Variants in USP32 observed in about 807,000 individuals in gnomAD.
USP32 encodes the protein ubiquitin carboxyl-terminal hydrolase 32.
Under a neutral mutation model 204.8 loss-of-function variants are expected in USP32, and 59 were observed. That is an observed-to-expected ratio of 0.29 (90% CI 0.23 to 0.36). USP32 has a LOEUF of 0.36. Ranked by LOEUF, USP32 falls within the 10% of genes least tolerant of loss-of-function variation. The pLI is 1.00. For missense variants in USP32, 1,160 were observed against 1,946.4 expected, an observed-to-expected ratio of 0.60 and a Z score of 7.60; for synonymous variants, 517 against 678.4, an observed-to-expected ratio of 0.76 and a Z score of 3.70.
intron 26 of USP32, among the ~76,000 whole-genome samples, chr17:60,202,582 G>A (rs2084706799): frequency 6.6e-6 from 1 of 151,844 alleles, no homozygotes; most frequent in Non-Finnish European, 1.5e-5. Flanking sequence ...CATGAACATG[G>A]TTTACTCCTT....
chr17:60,409,695 T>G (rs1406139646), intron 1 of USP32, among the ~76,000 whole-genome samples: 1 of 152,194 alleles, frequency 6.6e-6, no homozygotes, highest in Non-Finnish European at 1.5e-5. Context: ...TTTCCCAGCA[T>G]AGGCCAAACT....
At chr17:60,216,052 T>C (rs1472849729) in intron 16 of USP32, among the ~76,000 whole-genome samples, 2 of 151,494 alleles carry the variant, frequency 1.3e-5, no homozygotes, top group African/African-American at 4.9e-5. Flanking sequence ...AAGTTTCCCA[T>C]GGCCAAATAA....
intron 1 of USP32, among the ~76,000 whole-genome samples, chr17:60,349,617 ATATATATTATATATATATATATATAT>A (rs2088889486): frequency 2.7e-5 from 2 of 73,008 alleles, no homozygotes; most frequent in African/African-American, 2.3e-4. Context: ...ATATATATAT[ATATATATTATATATATATATATATAT>A]TATATATATA....
chr17:60,274,082 A>G (rs1409417045), intron 5 of USP32, among the ~76,000 whole-genome samples: 1 of 152,052 alleles, frequency 6.6e-6, no homozygotes, highest in African/African-American at 2.4e-5. Flanking sequence ...TTAAAGAAAA[A>G]CATGCCTATA....
chr17:60,287,660 GAGT>G (rs2145846136), intron 5 of USP32, among the ~76,000 whole-genome samples: 1 of 152,240 alleles, frequency 6.6e-6, no homozygotes, highest in East Asian at 1.9e-4. Flanking sequence ...TGCTAAAACT[GAGT>G]AAATGTCTCA....
At position 60,257,789 on chromosome 17, in the gene USP32, T is replaced by C. The variant is rs184050712; in HGVS notation, c.991-2531A>G. Among the ~76,000 whole-genome samples, 222 of 151,992 alleles carry C rather than the reference T, an allele frequency of 1.5e-3. 2 individuals carry two copies. Among genetic ancestry groups the C allele is most frequent in the Non-Finnish European group, 2.3e-3 (155 of 67,942 alleles). On this transcript the variant is annotated intron_variant, in intron 9 of 33. Transcript: ENST00000300896. ...GTGAGAGCCACCACACAGGCCAGCT[T>C]TTTGGTGTTTTTTTTTTCCTTCAAT...
At chr17:60,370,186 G>GA (rs921384424) in intron 1 of USP32, among the ~76,000 whole-genome samples, 1 of 151,010 alleles carries the variant, frequency 6.6e-6, no homozygotes, top group Non-Finnish European at 1.5e-5. Flanking sequence ...AAAAGTAAAA[G>GA]AAAAAATTAT....
chr17:60,350,626 AG>A (rs1338947162), intron 1 of USP32, among the ~76,000 whole-genome samples: 1 of 152,194 alleles, frequency 6.6e-6, no homozygotes, highest in Non-Finnish European at 1.5e-5. Context: ...AAATGATATT[AG>A]TTATCTTCGT....
chr17:60,300,167 G>A (rs1471036769), intron 3 of USP32, among the ~76,000 whole-genome samples: 2 of 152,116 alleles, frequency 1.3e-5, no homozygotes, highest in Admixed American at 1.3e-4. Context: ...GGAATTTTGG[G>A]TACAAAATGT....
chr17:60,194,410 T>C (rs73320999), intron 27 of USP32, among the ~76,000 whole-genome samples: 137 of 152,328 alleles, frequency 9.0e-4, no homozygotes, highest in African/African-American at 3.1e-3. Flanking sequence ...CTTACTCCTA[T>C]GCCACTTGTG....
upstream of USP32, chr17:60,392,531 G>C (rs1193188949): frequency 8.0e-6 from 3 of 376,004 alleles, no homozygotes; most frequent in Non-Finnish European, 1.6e-5. Context: ...GGTGGGGTCC[G>C]AGCAGCTGAC....
At chr17:60,182,619 C>T (rs533104090) in intron 31 of USP32, among the ~76,000 whole-genome samples, 3 of 151,912 alleles carry the variant, frequency 2.0e-5, no homozygotes, top group Non-Finnish European at 4.4e-5. Flanking sequence ...AAAAATTAGC[C>T]AGGTGCAGTG....
At position 60,183,247 on chromosome 17, in the gene USP32, C is replaced by A. The variant is rs770538015; in HGVS notation, c.4041G>T (p.Ala1347=). Reference sequence around the variant, plus strand: ...CGTCCTCTTCCCCAGCCGAACTCTGCGCATCCACTTTCTTCACCTCCCTTG... The same window carrying A: ...CGTCCTCTTCCCCAGCCGAACTCTGAGCATCCACTTTCTTCACCTCCCTTG... The part of the protein sequence containing the change: ...ILAREVKKVD[A]QSSAGEEDVL... The change falls in exon 31 of 34, where the codon GCG becomes GCT. Residue 1347 remains alanine (A), a synonymous_variant. Coordinates refer to ENST00000300896, the MANE Select transcript of USP32 (RefSeq NM_032582.4). 13 of 1,613,874 alleles carry A rather than the reference C, an allele frequency of 8.1e-6. No individual in the cohort carries two copies. The highest frequency in any genetic ancestry group is 1.7e-5 in the Admixed American group (1 of 59,990).
At chr17:60,207,765 G>A in intron 24 of USP32, 1 of 241,802 alleles carries the variant, frequency 4.1e-6, no homozygotes, top group Non-Finnish European at 7.8e-6. Context: ...GGTAACAGCA[G>A]CAGTCTTTGG....
rs1047571545 is a variant in USP32 at position 60,236,094 on chromosome 17, T to C, written c.1239+44A>G. The C allele has an allele frequency of 3.3e-6, 5 of 1,533,302 alleles. No individual in the cohort carries two copies. In the African/African-American group the frequency reaches 5.4e-5, roughly 17 times the overall value. The allele number at this position is 1,533,302 out of a possible 1,614,324, so 95.0% of individuals were successfully genotyped here. A position where few individuals can be genotyped will look rare whatever the true frequency, so the allele number is the denominator to read the frequency against. Reference sequence around the variant, plus strand: ...TTATTGGCTGGAAGTCTCACGCAGCTGAAAATCCTGTGAAAAATGTAAATA... The same window carrying C: ...TTATTGGCTGGAAGTCTCACGCAGCCGAAAATCCTGTGAAAAATGTAAATA... On this transcript the variant is annotated intron_variant, in intron 12 of 33. Transcript: ENST00000300896.
chr17:60,277,354 C>T (rs571418635), intron 5 of USP32, among the ~76,000 whole-genome samples: 1 of 152,288 alleles, frequency 6.6e-6, no homozygotes, highest in South Asian at 2.1e-4. Context: ...CATACAGTAA[C>T]ACATTTCTTT....
intron 12 of USP32, among the ~76,000 whole-genome samples, chr17:60,233,473 A>G (rs1373205655): frequency 1.3e-5 from 2 of 152,106 alleles, no homozygotes; most frequent in African/African-American, 4.8e-5. Flanking sequence ...AAACAAGCAA[A>G]CAACAACAAC....
At chr17:60,231,538 AG>A in intron 12 of USP32, 1 of 515,800 alleles carries the variant, frequency 1.9e-6, no homozygotes, top group South Asian at 1.4e-5. Context: ...CAGGAAAACA[AG>A]GCTGCCCCAC....
At chr17:60,382,383 A>G (rs1475652154) in intron 1 of USP32, among the ~76,000 whole-genome samples, 1 of 152,152 alleles carries the variant, frequency 6.6e-6, no homozygotes, top group Non-Finnish European at 1.5e-5. Flanking sequence ...TGTAGTCCCC[A>G]CAATTCGGGA....
Sources: gnomAD v4.1 joint callset for allele counts (sites outside exome capture counted in the v4.1 genomes callset) on GRCh38, gnomAD v4.1.1 for gene constraint, MANE v1.5 for transcripts, NCBI Gene and HGNC (gene_info 2026-07-23, HGNC 2026-07-21) for gene names.